The following MMP16 variants were observed in gnomAD, a reference collection of about 807,000 sequenced individuals.
MMP16 encodes matrix metallopeptidase 16.
A neutral mutation model predicts 67.8 loss-of-function variants in MMP16; 12 were observed. The ratio of observed to expected loss-of-function variants is 0.18; its 90% CI spans 0.11 to 0.29. MMP16 has a LOEUF of 0.29. Ranked by LOEUF, MMP16 falls within the 10% of genes least tolerant of loss-of-function variation. The pLI, the probability that MMP16 is intolerant of heterozygous loss-of-function variation, is 1.00. For missense variants in MMP16, 475 were observed against 765.7 expected (o/e 0.62, Z 4.48); for synonymous variants, 249 against 255.9 (o/e 0.97, Z 0.26).
intron 6 of MMP16, among the ~76,000 whole-genome samples, chr8:88,096,847 C>T (rs781508300): frequency 9.2e-5 from 14 of 151,944 alleles, no homozygotes; most frequent in East Asian, 1.9e-4. Context: ...ATTGGAAACG[C>T]GAGAAAACAC....
At chr8:88,160,071 T>C (rs1047447876) in intron 4 of MMP16, among the ~76,000 whole-genome samples, 6 of 151,896 alleles carry the variant, frequency 4.0e-5, no homozygotes, top group African/African-American at 1.5e-4. Context: ...GCTGCACTCA[T>C]TAACTCGTCA....
intron 6 of MMP16, among the ~76,000 whole-genome samples, chr8:88,094,846 G>A (rs1338747782): frequency 2.0e-5 from 3 of 151,830 alleles, no homozygotes; most frequent in Non-Finnish European, 2.9e-5. Context: ...TGTGTGTTAT[G>A]TAAAGCCTGT....
At chr8:88,258,219 G>A (rs921414153) in intron 1 of MMP16, among the ~76,000 whole-genome samples, 1 of 152,046 alleles carries the variant, frequency 6.6e-6, no homozygotes, top group Non-Finnish European at 1.5e-5. Context: ...TGTCCAGGGT[G>A]CCTGTGCTAA....
At chr8:88,271,426 T>G (rs970518617) in intron 1 of MMP16, among the ~76,000 whole-genome samples, 1 of 152,216 alleles carries the variant, frequency 6.6e-6, no homozygotes, top group Non-Finnish European at 1.5e-5. Context: ...GAATTATTTT[T>G]ATATAAGAGC....
intron 3 of MMP16, among the ~76,000 whole-genome samples, chr8:88,172,719 A>G (rs761403653): frequency 6.6e-6 from 1 of 152,140 alleles, no homozygotes; most frequent in Non-Finnish European, 1.5e-5. Context: ...TTAACAGATG[A>G]TAGATTTCAT....
intron 2 of MMP16, among the ~76,000 whole-genome samples, chr8:88,190,379 G>A (rs1809151678): frequency 6.6e-6 from 1 of 152,092 alleles, no homozygotes. Flanking sequence ...TTTTGTATGT[G>A]ACTTTAAACA....
intron 1 of MMP16, among the ~76,000 whole-genome samples, chr8:88,257,492 G>A (rs1469542440): frequency 1.3e-5 from 2 of 152,172 alleles, no homozygotes; most frequent in Admixed American, 1.3e-4. Flanking sequence ...TTTGCCTTTT[G>A]CTGGCATATG....
At chr8:88,246,610 C>T (rs1344547036) in intron 1 of MMP16, among the ~76,000 whole-genome samples, 5 of 152,048 alleles carry the variant, frequency 3.3e-5, no homozygotes, top group South Asian at 2.1e-4. Flanking sequence ...TGAATGCTTA[C>T]GGAAATGTGT....
rs1809175890 is a variant in MMP16 at position 88,103,291 on chromosome 8, T to C, written c.1083+13216A>G. On this transcript the variant is annotated intron_variant, in intron 6 of 9. Transcript: ENST00000286614. ...TATTACAGAACATAACAATGCATTG[T>C]GATGATCTAGTTACTGGTACTTTGC... is the stretch of plus-strand genomic sequence containing the variant. 3.3e-5 allele frequency among the ~76,000 whole-genome samples: 5 copies of C among 151,954 alleles called. No homozygotes were observed. The South Asian group carries it at 8.3e-4, about 25-fold the overall frequency.
intron 9 of MMP16, among the ~76,000 whole-genome samples, chr8:88,044,195 C>G (rs1031555212): frequency 1.3e-5 from 2 of 152,164 alleles, no homozygotes; most frequent in Non-Finnish European, 2.9e-5. Flanking sequence ...CCTGTAATCC[C>G]AGCACTTTGG....
rs566422325 is a variant in MMP16 at position 88,222,341 on chromosome 8, A to G, written c.133-25035T>C. On this transcript the variant is annotated intron_variant, in intron 1 of 9. Transcript: ENST00000286614. ...GACTTTCTTTACAGAATTGGAAAAA[A>G]CTAGTTTAAAGTTCATATGGAACCA... Among the ~76,000 whole-genome samples the G allele has an allele frequency of 7.9e-5, 12 of 152,286 alleles. No homozygotes were observed. The East Asian group carries it at 2.3e-3, about 29-fold the overall frequency.
rs376048096 is a variant in MMP16, at chr8:88,296,023, T to G, written c.132+31052A>C. On this transcript the variant is annotated intron_variant, in intron 1 of 9. Transcript: ENST00000286614. ...AAAAATTTCATATATTAACTGTATA[T>G]TAATCCTACTTACTAACTGAGACTA... is the stretch of plus-strand genomic sequence containing the variant. Among the ~76,000 whole-genome samples, 133 of 149,244 alleles carry G rather than the reference T, an allele frequency of 8.9e-4. 1 individual carries two copies. The highest frequency in any genetic ancestry group is 3.1e-3 in the African/African-American group (128 of 40,956).
In MMP16 at chr8:88,315,570, ACT is replaced by A. The variant is rs535002036; in HGVS notation, c.132+11503_132+11504del. ...TTGTAATTGTTTCAGAGTACCACAA[ACT>A]CTGCCCATTTAAGATGCCAAACTTA... On this transcript the variant is annotated intron_variant, in intron 1 of 9. Transcript: ENST00000286614. Among the ~76,000 whole-genome samples, 20 of 152,060 alleles carry A rather than the reference ACT, an allele frequency of 1.3e-4. No homozygotes were observed. In the East Asian group the frequency reaches 3.1e-3, roughly 24 times the overall value.
chr8:88,187,720 G>C (rs561903394), intron 2 of MMP16, among the ~76,000 whole-genome samples: 49 of 152,208 alleles, frequency 3.2e-4, no homozygotes, highest in African/African-American at 1.1e-3. Context: ...ATAACTTCCT[G>C]CATCAGTGAA....
chr8:88,058,032 CCT>C lies in MMP16; in HGVS notation c.1223-1756_1223-1755del, dbSNP rs1430949620. ...CTTTAAGTAAAAAGGTCAGGGAAGA[CCT>C]CTCTGAAGAAATACACCAAAATCTA... On this transcript the variant is annotated intron_variant, in intron 7 of 9. Coordinates refer to ENST00000286614, the MANE Select transcript of MMP16 (RefSeq NM_005941.5). The surrounding 1 kb of genome is among the most constrained non-coding windows in gnomAD (Gnocchi z 4.2). 6.6e-6 allele frequency among the ~76,000 whole-genome samples: 1 copy of C among 151,972 alleles called. No homozygotes were observed. The highest frequency in any genetic ancestry group is 2.4e-5 in the African/African-American group (1 of 41,390).
At chr8:88,168,125 T>G (rs1808742860) in intron 3 of MMP16, 152 bp from the exon 4 acceptor site, 1 of 609,822 alleles carries the variant, frequency 1.6e-6, no homozygotes, top group Non-Finnish European at 2.8e-6. Flanking sequence ...ACTGTTAGAT[T>G]TCACTACACT....
At chr8:88,265,385 T>C (rs1440275712) in intron 1 of MMP16, among the ~76,000 whole-genome samples, 2 of 152,050 alleles carry the variant, frequency 1.3e-5, no homozygotes, top group African/African-American at 2.4e-5. Flanking sequence ...CTATGAAAGC[T>C]AAAAGCTGCA....
chr8:88,166,688 C>CATATATATATATAT (rs1166566212), intron 4 of MMP16, among the ~76,000 whole-genome samples: 13 of 58,384 alleles, frequency 2.2e-4, no homozygotes, highest in Non-Finnish European at 3.8e-4. Context: ...CAAAAAATTA[C>CATATATATATATAT]ATATATATAT....
intron 1 of MMP16, among the ~76,000 whole-genome samples, chr8:88,294,541 T>TATATGTATATATGTCTCTATACACAC (rs1563587056): frequency 5.3e-5 from 8 of 149,996 alleles, no homozygotes; most frequent in African/African-American, 9.8e-5. Flanking sequence ...TCTATACACA[T>TATATGTATATATGTCTCTATACACAC]ATATGTATAT....
Sources: gnomAD v4.1 joint callset for allele counts (sites outside exome capture counted in the v4.1 genomes callset) on GRCh38, gnomAD v4.1.1 for gene constraint, Gnocchi (gnomAD v3.1) non-coding constraint, MANE v1.5 for transcripts, NCBI Gene and HGNC (gene_info 2026-07-23, HGNC 2026-07-21) for gene names.